The following SORCS3 variants were observed in gnomAD, a reference collection of about 807,000 sequenced individuals.
SORCS3 encodes VPS10 domain-containing receptor SorCS3.
In SORCS3, 57 loss-of-function variants were observed where a neutral mutation model predicts 146.3. The ratio of observed to expected loss-of-function variants is 0.39; its 90% CI spans 0.31 to 0.49. The LOEUF is 0.49. Ranked by LOEUF, SORCS3 falls within the 20% of genes least tolerant of loss-of-function variation. SORCS3 has a pLI of 0.92. For synonymous variants in SORCS3, 653 were observed against 618.5 expected (o/e 1.06, Z -0.83); for missense variants, 1,341 against 1,575.5 (o/e 0.85, Z 2.52).
chr10:104,916,069 C>T (rs905134519), intron 3 of SORCS3, 137 bp downstream of exon 3: 72 of 640,680 alleles, frequency 1.1e-4, no homozygotes, highest in South Asian at 8.4e-4. Flanking sequence ...ACTTCATAAA[C>T]GCTGTTTGTA....
intron 20 of SORCS3, among the ~76,000 whole-genome samples, chr10:105,236,745 T>C (rs865968361): frequency 2.0e-5 from 3 of 152,108 alleles, no homozygotes; most frequent in Non-Finnish European, 4.4e-5. Flanking sequence ...AACAAAGCAA[T>C]TGGGGATTCT....
At chr10:105,170,984 A>C (rs1429568797) in intron 13 of SORCS3, among the ~76,000 whole-genome samples, 1 of 152,184 alleles carries the variant, frequency 6.6e-6, no homozygotes, top group African/African-American at 2.4e-5. Flanking sequence ...TTAGGTAATC[A>C]GTTCATTGCC....
At chr10:105,095,726 C>G (rs1312615951) in intron 6 of SORCS3, among the ~76,000 whole-genome samples, 1 of 135,944 alleles carries the variant, frequency 7.4e-6, no homozygotes, top group Non-Finnish European at 1.7e-5. Context: ...TCTAGCTATT[C>G]ACAGACAGGC....
At chr10:104,895,630 C>T (rs1424702907) in intron 2 of SORCS3, among the ~76,000 whole-genome samples, 1 of 152,196 alleles carries the variant, frequency 6.6e-6, no homozygotes, top group African/African-American at 2.4e-5. Context: ...ATGATTCCTG[C>T]TTCCTCAGCT....
At chr10:104,893,867 C>T (rs559162445) in intron 2 of SORCS3, among the ~76,000 whole-genome samples, 37 of 152,300 alleles carry the variant, frequency 2.4e-4, no homozygotes, top group Non-Finnish European at 3.7e-4. Flanking sequence ...CTGATAAGGA[C>T]CTCGGGTTTT....
chr10:104,930,194 A>G (rs2019193020), intron 3 of SORCS3, among the ~76,000 whole-genome samples: 1 of 152,224 alleles, frequency 6.6e-6, no homozygotes, highest in South Asian at 2.1e-4. Flanking sequence ...AATAAAAAAA[A>G]AGGTATAAGG....
intron 3 of SORCS3, among the ~76,000 whole-genome samples, chr10:104,974,900 A>G (rs1454111031): frequency 1.3e-5 from 2 of 152,116 alleles, no homozygotes; most frequent in African/African-American, 2.4e-5. Flanking sequence ...GGTGGTGACA[A>G]AATCTCTCAG....
At chr10:105,072,197 G>A (rs1286491265) in intron 5 of SORCS3, among the ~76,000 whole-genome samples, 3 of 152,044 alleles carry the variant, frequency 2.0e-5, no homozygotes, top group South Asian at 4.2e-4. Context: ...TTATATAAGC[G>A]GGTCCCTGTG....
chr10:105,117,885 CCTT>C (rs1259100190), intron 7 of SORCS3, among the ~76,000 whole-genome samples: 3 of 152,308 alleles, frequency 2.0e-5, no homozygotes, highest in Middle Eastern at 3.4e-3. Context: ...CTTGACTGCT[CCTT>C]CTTTCTTGAA....
At chr10:104,650,022 A>G (rs2015539682) in intron 1 of SORCS3, among the ~76,000 whole-genome samples, 1 of 152,220 alleles carries the variant, frequency 6.6e-6, no homozygotes, top group Admixed American at 6.5e-5. Flanking sequence ...ATGTATGCCA[A>G]AGTCATGGGC....
intron 6 of SORCS3, among the ~76,000 whole-genome samples, chr10:105,101,515 A>G (rs945042412): frequency 5.3e-5 from 8 of 152,128 alleles, no homozygotes; most frequent in African/African-American, 1.7e-4. Context: ...ATTTTCAAAA[A>G]CTCATTTCAG....
intron 3 of SORCS3, among the ~76,000 whole-genome samples, chr10:104,975,642 G>A (rs938888502): frequency 0.01 from 1,569 of 152,206 alleles, 22 homozygotes; most frequent in African/African-American, 0.035. Context: ...GAGGCATCAC[G>A]TTACCTGACT....
At chr10:105,197,553 G>T (rs975155514) in intron 14 of SORCS3, among the ~76,000 whole-genome samples, 1 of 152,084 alleles carries the variant, frequency 6.6e-6, no homozygotes, top group Non-Finnish European at 1.5e-5. Flanking sequence ...TGCCTCTTTG[G>T]TTCTAGACAA....
chr10:105,036,389 A>G (rs981022241), intron 4 of SORCS3, among the ~76,000 whole-genome samples: 2 of 152,114 alleles, frequency 1.3e-5, no homozygotes, highest in Admixed American at 6.6e-5. Context: ...GTTTCTGGAG[A>G]TCAGGGAACC....
intron 3 of SORCS3, among the ~76,000 whole-genome samples, chr10:104,969,345 G>A (rs72815685): frequency 0.079 from 11,885 of 151,276 alleles, 734 homozygotes; most frequent in Non-Finnish European, 0.12. Flanking sequence ...GTGTGTGCGC[G>A]CGCGCGTACA....
At chr10:104,780,125 T>C (rs1369719520) in intron 1 of SORCS3, among the ~76,000 whole-genome samples, 1 of 120,696 alleles carries the variant, frequency 8.3e-6, no homozygotes, top group African/African-American at 3.3e-5. Context: ...AGAATTGCCC[T>C]GAGAGGAGGC....
At position 104,987,638 on chromosome 10, in the gene SORCS3, A is replaced by AT. The variant is rs568907397; in HGVS notation, c.954+10154dup. On this transcript the variant is annotated intron_variant, in intron 4 of 26. Transcript: ENST00000369701. The stretch of plus-strand genomic sequence containing the variant: ...TTTAGAACTCTGAAATTCTAGGAAT[A>AT]TTTTTTTTTCTCCTAACAAAAAGTG... Among the ~76,000 whole-genome samples, 408 of 151,568 alleles carry AT rather than the reference A, an allele frequency of 2.7e-3. 2 individuals carry two copies. The highest frequency in any genetic ancestry group is 0.014 in the Middle Eastern group (4 of 292).
Position 105,170,377 on chromosome 10 carries a change from A to C in SORCS3, c.1901+3028A>C, listed in dbSNP as rs962043314. Reference sequence around the variant, plus strand: ...GTTTGAGTTTTCCCTTGTTCAATGTAATATATCTCTTTTCTTGGTAAAAAT... The same window carrying C: ...GTTTGAGTTTTCCCTTGTTCAATGTCATATATCTCTTTTCTTGGTAAAAAT... On this transcript the variant is annotated intron_variant, in intron 13 of 26. Transcript: ENST00000369701. Among the ~76,000 whole-genome samples, 6 of 152,258 alleles carry C rather than the reference A, an allele frequency of 3.9e-5. No individual in the cohort carries two copies. The East Asian group carries it at 9.7e-4, about 25-fold the overall frequency.
rs150940676 is a variant in SORCS3 at position 104,967,227 on chromosome 10, C to T, written c.796-10108C>T. Among the ~76,000 whole-genome samples the T allele has an allele frequency of 7.7e-4, 117 of 152,114 alleles. 5 individuals are homozygous for T. The East Asian group carries it at 0.017, about 22-fold the overall frequency. On this transcript the variant is annotated intron_variant, in intron 3 of 26. Coordinates refer to ENST00000369701, the MANE Select transcript of SORCS3 (RefSeq NM_014978.3). ...TCTACCAATTGGTGTTTACTCTGGC[C>T]GTATTCATGTTGGTTAATAGGGTGT...
Sources: gnomAD v4.1 joint callset for allele counts (sites outside exome capture counted in the v4.1 genomes callset) on GRCh38, gnomAD v4.1.1 for gene constraint, MANE v1.5 for transcripts, NCBI Gene and HGNC (gene_info 2026-07-23, HGNC 2026-07-21) for gene names.